BCAT1: variants seen among roughly 807,000 people sequenced by gnomAD.
BCAT1 encodes branched chain amino acid transaminase 1.
In BCAT1, 48 loss-of-function variants were observed where a neutral mutation model predicts 52.4. The observed-to-expected ratio is 0.92, with a 90% confidence interval of 0.73 to 1.16. The LOEUF is 1.16. Ranked by LOEUF, BCAT1 falls within the 50% of genes most tolerant of loss-of-function variation. BCAT1 has a pLI of 0.00. For missense variants in BCAT1, 451 were observed against 457.1 expected (o/e 0.99, Z 0.12); for synonymous variants, 167 against 161.3 (o/e 1.04, Z -0.27).
intron 5 of BCAT1, among the ~76,000 whole-genome samples, chr12:24,875,502 T>C (rs917743453): frequency 2.6e-5 from 4 of 152,154 alleles, no homozygotes; most frequent in African/African-American, 7.2e-5. Flanking sequence ...ACTTAGGAAG[T>C]AGATTTTTAA....
At chr12:24,907,086 C>A (rs1366039336) in intron 1 of BCAT1, among the ~76,000 whole-genome samples, 8 of 152,234 alleles carry the variant, frequency 5.3e-5, no homozygotes, top group Non-Finnish European at 1.2e-4. Context: ...TCCAGCTCAC[C>A]TTTTGCTAGG....
chr12:24,836,695 G>A, intron 7 of BCAT1, 99 bp from the exon 8 acceptor site: 13 of 1,043,166 alleles, frequency 1.2e-5, no homozygotes, highest in Non-Finnish European at 1.9e-5. Context: ...AATTTTGCTA[G>A]CAACAAACAT....
At chr12:24,839,883 CTTTT>C (rs201229436) in intron 7 of BCAT1, among the ~76,000 whole-genome samples, 1 of 151,126 alleles carries the variant, frequency 6.6e-6, no homozygotes, top group Non-Finnish European at 1.5e-5. Flanking sequence ...AATTGCATGT[CTTTT>C]TTTTTAGCCC....
intron 1 of BCAT1, among the ~76,000 whole-genome samples, chr12:24,922,699 C>T (rs1048899536): frequency 2.8e-4 from 42 of 151,842 alleles, no homozygotes; most frequent in African/African-American, 9.7e-4. Context: ...GGTGAAACCC[C>T]GTCTCTACTA....
At chr12:24,872,096 C>T (rs989110734) in intron 5 of BCAT1, among the ~76,000 whole-genome samples, 1 of 151,920 alleles carries the variant, frequency 6.6e-6, no homozygotes, top group African/African-American at 2.4e-5. Context: ...TTCATAGAAA[C>T]TAATTGTAAA....
intron 1 of BCAT1, among the ~76,000 whole-genome samples, chr12:24,911,796 C>A (rs1018345212): frequency 6.6e-6 from 1 of 152,106 alleles, no homozygotes; most frequent in African/African-American, 2.4e-5. Context: ...CTCCAGGTAC[C>A]TTAAAAAGGA....
chr12:24,937,012 G>C (rs1943768056), intron 1 of BCAT1, among the ~76,000 whole-genome samples: 1 of 151,964 alleles, frequency 6.6e-6, no homozygotes, highest in South Asian at 2.1e-4. Flanking sequence ...CCCTATTATG[G>C]GCCAAGCATT....
At chr12:24,895,740 T>C (rs1942946158) in intron 2 of BCAT1, among the ~76,000 whole-genome samples, 1 of 152,186 alleles carries the variant, frequency 6.6e-6, no homozygotes, top group South Asian at 2.1e-4. Flanking sequence ...GCTCTTATCA[T>C]TATTTTTAAA....
In BCAT1 at chr12:24,813,678, C is replaced by G. The variant is rs1003752536; in HGVS notation, c.*4330G>C. 1.3e-5 allele frequency: 2 copies of G among 151,982 alleles called. No individual in the cohort carries two copies. The highest frequency in any genetic ancestry group is 1.3e-4 in the Admixed American group (2 of 15,258). 9.4% of individuals were successfully genotyped at this position (151,982 alleles called of 1,614,324 possible). ...CACCAGATGAGGAATGGTGTGAACA[C>G]TAACCTAAACACCAACCTTATTAAG... On this transcript the variant is annotated 3_prime_UTR_variant, in exon 11 of 11. Coordinates refer to ENST00000261192, the MANE Select transcript of BCAT1 (RefSeq NM_005504.7).
At chr12:24,933,057 G>A (rs894878367) in intron 1 of BCAT1, among the ~76,000 whole-genome samples, 6 of 141,006 alleles carry the variant, frequency 4.3e-5, no homozygotes, top group East Asian at 2.1e-4. Context: ...TGATCCACCC[G>A]CCTCGGCCTC....
rs1939677531 is a variant in BCAT1 at position 24,811,485 on chromosome 12, C to T, written c.*6523G>A. ...ATACAATTATTCCATGCCCTCTCAA[C>T]ATACAAATATAGAGTTCTTCACACC... is the stretch of plus-strand genomic sequence containing the variant. On this transcript the variant is annotated 3_prime_UTR_variant, in exon 11 of 11. Coordinates refer to ENST00000261192, the MANE Select transcript of BCAT1 (RefSeq NM_005504.7). 1 of 152,108 alleles carries T rather than the reference C, an allele frequency of 6.6e-6. No individual in the cohort carries two copies. The highest frequency in any genetic ancestry group is 2.1e-4 in the South Asian group (1 of 4,830). The allele number at this position is 152,108 out of a possible 1,614,324, so 9.4% of individuals were successfully genotyped here. A position where few individuals can be genotyped will look rare whatever the true frequency, so the allele number is the denominator to read the frequency against.
At chr12:24,833,230 T>C (rs1296766116) in intron 8 of BCAT1, among the ~76,000 whole-genome samples, 1 of 152,166 alleles carries the variant, frequency 6.6e-6, no homozygotes. Flanking sequence ...GTGTTAACAG[T>C]GTCTTAGGCC....
intron 1 of BCAT1, among the ~76,000 whole-genome samples, chr12:24,930,358 A>G (rs1487076530): frequency 6.6e-6 from 1 of 152,132 alleles, no homozygotes; most frequent in Non-Finnish European, 1.5e-5. Flanking sequence ...AGGTGTTTCT[A>G]TGACACCTTT....
intron 10 of BCAT1, among the ~76,000 whole-genome samples, chr12:24,826,564 G>A (rs1412850756): frequency 6.6e-6 from 1 of 152,124 alleles, no homozygotes; most frequent in Non-Finnish European, 1.5e-5. Flanking sequence ...TTGAAGTAAG[G>A]TAGTGTGGTG....
chr12:24,937,362 A>G (rs1943775680), intron 1 of BCAT1, among the ~76,000 whole-genome samples: 1 of 152,226 alleles, frequency 6.6e-6, no homozygotes, highest in South Asian at 2.1e-4. Flanking sequence ...TGGAAACGGC[A>G]AAACAAGATG....
chr12:24,883,330 T>A lies in BCAT1; in HGVS notation c.280-1919A>T, dbSNP rs180688506. 3.0e-4 allele frequency among the ~76,000 whole-genome samples: 45 copies of A among 152,318 alleles called. 1 individual carries two copies. In the Middle Eastern group the frequency reaches 0.031, roughly 104 times the overall value. On this transcript the variant is annotated intron_variant, in intron 3 of 10. Coordinates refer to ENST00000261192, the MANE Select transcript of BCAT1 (RefSeq NM_005504.7). ...ATTTTAAAACTATACATACTTAGAA[T>A]GGCTACTATCAAAAAGATAAAAGAT...
At chr12:24,850,922 CAG>C (rs1941489923) in intron 5 of BCAT1, among the ~76,000 whole-genome samples, 1 of 152,058 alleles carries the variant, frequency 6.6e-6, no homozygotes, top group African/African-American at 2.4e-5. Context: ...TTCAAAAAAA[CAG>C]GGAATGAATG....
intron 1 of BCAT1, among the ~76,000 whole-genome samples, chr12:24,907,118 C>T (rs80302496): frequency 1.3e-5 from 2 of 152,204 alleles, no homozygotes; most frequent in South Asian, 2.1e-4. Flanking sequence ...TCTCTCCCCC[C>T]ACACATTTAA....
chr12:24,934,870 A>G (rs930251893), intron 1 of BCAT1, among the ~76,000 whole-genome samples: 22 of 152,272 alleles, frequency 1.4e-4, no homozygotes, highest in Admixed American at 4.6e-4. Flanking sequence ...CAGTTGTACC[A>G]CTTGCCACAT....
Sources: gnomAD v4.1 joint callset for allele counts (sites outside exome capture counted in the v4.1 genomes callset) on GRCh38, gnomAD v4.1.1 for gene constraint, MANE v1.5 for transcripts, NCBI Gene and HGNC (gene_info 2026-07-23, HGNC 2026-07-21) for gene names.